Variants in NRSN1 observed in about 807,000 individuals in gnomAD.
NRSN1 encodes neurensin-1.
In NRSN1, 14 loss-of-function variants were observed where a neutral mutation model predicts 17.3. That is an observed-to-expected ratio of 0.81 (90% CI 0.54 to 1.27). NRSN1 has a LOEUF of 1.27. Among genes scored for constraint, NRSN1 ranks in the 50% most tolerant of loss-of-function variants. The pLI is 0.00. For synonymous variants in NRSN1, 79 were observed against 94.2 expected, an observed-to-expected ratio of 0.84 and a Z score of 0.93; for missense variants, 209 against 235.9, an observed-to-expected ratio of 0.89 and a Z score of 0.75.
intron 3 of NRSN1, among the ~76,000 whole-genome samples, chr6:24,142,321 TAGAA>T (rs200892403): frequency 0.017 from 2,526 of 148,126 alleles, 32 homozygotes; most frequent in Non-Finnish European, 0.026. Flanking sequence ...ATAAAAATAA[TAGAA>T]AGAAATATAC....
chr6:24,138,512 GTTATCTTCT>G (rs1561866947), intron 3 of NRSN1, among the ~76,000 whole-genome samples: 1 of 152,094 alleles, frequency 6.6e-6, no homozygotes, highest in African/African-American at 2.4e-5. Context: ...TCACCTCAGG[GTTATCTTCT>G]TGCCTTCTCC....
chr6:24,128,687 G>A (rs1363216887), intron 2 of NRSN1: 1 of 152,158 alleles, frequency 6.6e-6, no homozygotes, highest in Non-Finnish European at 1.5e-5. Flanking sequence ...GGTCTAAATT[G>A]TCTATGTGCC....
At position 24,134,003 on chromosome 6, in the gene NRSN1, A is replaced by AG. The variant is rs1213932945; in HGVS notation, c.-9-316_-9-315insG. Among the ~76,000 whole-genome samples the AG allele has an allele frequency of 8.9e-4, 35 of 39,226 alleles. 1 individual carries two copies. The highest frequency in any genetic ancestry group is 1.3e-3 in the Admixed American group (6 of 4,700). The allele number at this position is 39,226 out of a possible 152,430, so 25.7% of individuals were successfully genotyped here. A position where few individuals can be genotyped will look rare whatever the true frequency, so the allele number is the denominator to read the frequency against. On this transcript the variant is annotated intron_variant, in intron 2 of 3. Transcript: ENST00000378491. ...AGGTGCCCACCACCACACCCAGCTA[A>AG]TTGTGTGTGTGTGTGTGTGTGTGTG...
At chr6:24,135,827 G>A (rs990331834) in intron 3 of NRSN1, among the ~76,000 whole-genome samples, 5 of 152,160 alleles carry the variant, frequency 3.3e-5, no homozygotes, top group African/African-American at 1.2e-4. Context: ...AGGGCATTGG[G>A]ACATTCCAAC....
rs1760284229 is a variant in NRSN1, at chr6:24,145,266, T to C, written c.190-282T>C. On this transcript the variant is annotated intron_variant, in intron 3 of 3. Transcript: ENST00000378491. The surrounding 1 kb of genome is among the most constrained non-coding windows in gnomAD (Gnocchi z 4.4). ...AATATAAAGATTATATATATATCTT[T>C]AGATATACAATATATGTATATCTTT... 6.8e-6 allele frequency among the ~76,000 whole-genome samples: 1 copy of C among 147,402 alleles called. No individual in the cohort carries two copies. The highest frequency in any genetic ancestry group is 6.8e-5 in the Admixed American group (1 of 14,690).
rs1561866100 is a variant in NRSN1 at position 24,134,440 on chromosome 6, C to T, written c.113C>T (p.Thr38Ile). 1 of 1,614,098 alleles carries T rather than the reference C, an allele frequency of 6.2e-7. No homozygotes were observed. Among genetic ancestry groups the T allele is most frequent in the Non-Finnish European group, 8.5e-7 (1 of 1,179,970 alleles). ...SYLHQFYEDC[T>I]ASIWEYEDDF... Reference sequence around the variant, plus strand: ...CTGCACCAGTTTTATGAGGACTGTACAGCCTCAATTTGGGAGTATGAGGAT... The same window carrying T: ...CTGCACCAGTTTTATGAGGACTGTATAGCCTCAATTTGGGAGTATGAGGAT... Residue 38 changes from threonine to isoleucine, a missense_variant, in exon 3 of 4, where the codon ACA becomes ATA. Coordinates refer to ENST00000378491, the MANE Select transcript of NRSN1 (RefSeq NM_080723.5).
At chr6:24,126,927 A>T (rs75904503) in intron 1 of NRSN1, among the ~76,000 whole-genome samples, 1 of 147,026 alleles carries the variant, frequency 6.8e-6, no homozygotes, top group Non-Finnish European at 1.5e-5. Context: ...TGTTTGTTTG[A>T]TTGGTTCCTG....
At chr6:24,126,958 T>G (rs1183450683) in intron 1 of NRSN1, among the ~76,000 whole-genome samples, 4 of 152,246 alleles carry the variant, frequency 2.6e-5, no homozygotes, top group Non-Finnish European at 5.9e-5. Flanking sequence ...AGAAATGTTT[T>G]CAGAACCTTG....
rs1408188728 is a variant in NRSN1 at position 24,146,257 on chromosome 6, G to A, written c.*311G>A. 1 of 593,268 alleles carries A rather than the reference G, an allele frequency of 1.7e-6. No homozygotes were observed. Among genetic ancestry groups the A allele is most frequent in the Non-Finnish European group, 3.3e-6 (1 of 306,836 alleles). The allele number at this position is 593,268 out of a possible 1,614,324, so 36.8% of individuals were successfully genotyped here. A position where few individuals can be genotyped will look rare whatever the true frequency, so the allele number is the denominator to read the frequency against. On this transcript the variant is annotated 3_prime_UTR_variant, in exon 4 of 4. Transcript: ENST00000378491. ...GTTATTTTCCGTGTTGTTTGAAAGT[G>A]CCGAACAGTTTAGACCAGCTCACCA...
chr6:24,135,194 A>G (rs115568244), intron 3 of NRSN1, among the ~76,000 whole-genome samples: 2,906 of 152,316 alleles, frequency 0.019, 86 homozygotes, highest in African/African-American at 0.065. Flanking sequence ...AAGAAACCAC[A>G]TGATAGAATG....
chr6:24,133,249 T>C (rs1179191573), intron 2 of NRSN1, among the ~76,000 whole-genome samples: 1 of 152,182 alleles, frequency 6.6e-6, no homozygotes, highest in African/African-American at 2.4e-5. Context: ...TTGTGTCCAC[T>C]CTCCACATTA....
chr6:24,133,371 A>C (rs571662007), intron 2 of NRSN1, among the ~76,000 whole-genome samples: 1 of 152,406 alleles, frequency 6.6e-6, no homozygotes, highest in East Asian at 1.9e-4. Context: ...TTAATAAAGC[A>C]TGAGGCATAA....
At position 24,145,510 on chromosome 6, in the gene NRSN1, C is replaced by T; in HGVS notation, c.190-38C>T. The T allele has an allele frequency of 2.6e-6, 4 of 1,511,612 alleles. No individual in the cohort carries two copies. Among genetic ancestry groups the T allele is most frequent in the Non-Finnish European group, 3.6e-6 (4 of 1,123,544 alleles). The allele number at this position is 1,511,612 out of a possible 1,614,324, so 93.6% of individuals were successfully genotyped here. On this transcript the variant is annotated intron_variant, in intron 3 of 3. Coordinates refer to ENST00000378491, the MANE Select transcript of NRSN1 (RefSeq NM_080723.5). The surrounding 1 kb of genome is among the most constrained non-coding windows in gnomAD (Gnocchi z 4.4). ...GCTCAGGGGCGAGCCGAAGCACCTT[C>T]CTCACTCTATCTTGCTTCTGTCATT...
chr6:24,136,810 C>T lies in NRSN1; in HGVS notation c.189+2294C>T, dbSNP rs1310684791. The stretch of plus-strand genomic sequence containing the variant: ...CCAAAAATATTTATTTACTGCTGTG[C>T]TGGAGTCCTAGATGTATACCTTAGC... On this transcript the variant is annotated intron_variant, in intron 3 of 3. Transcript: ENST00000378491. Among the ~76,000 whole-genome samples the T allele has an allele frequency of 2.6e-5, 4 of 152,150 alleles. No homozygotes were observed. The East Asian group carries it at 7.7e-4, about 29-fold the overall frequency.
rs1412565140 is a variant in NRSN1 at position 24,134,381 on chromosome 6, G to A, written c.54G>A (p.Glu18=). 1.2e-6 allele frequency: 2 copies of A among 1,614,170 alleles called. No homozygotes were observed. The highest frequency in any genetic ancestry group is 1.7e-5 in the Admixed American group (1 of 60,012). The change falls in exon 3 of 4, where the codon GAG becomes GAA. Residue 18 remains glutamate, a synonymous_variant. Transcript: ENST00000378491. ...CCAGGCAGGCACAGGCTGCAGCTGA[G>A]GGTGGTTACCAGCGCTATGGAGTCC... ...CGSRQAQAAA[E]GGYQRYGVRS... is the part of the protein sequence containing the mutation.
chr6:24,130,765 T>C (rs1288908622), intron 2 of NRSN1, among the ~76,000 whole-genome samples: 1 of 152,132 alleles, frequency 6.6e-6, no homozygotes, highest in African/African-American at 2.4e-5. Context: ...AGTAAGGATA[T>C]GGAAGGAGGT....
intron 3 of NRSN1, chr6:24,141,181 C>G: frequency 7.9e-7 from 1 of 1,264,710 alleles, no homozygotes; most frequent in Non-Finnish European, 1.0e-6. Flanking sequence ...TTTAAACAAC[C>G]TCTGCATTGC....
At chr6:24,137,985 A>C (rs562497594) in intron 3 of NRSN1, among the ~76,000 whole-genome samples, 2 of 152,268 alleles carry the variant, frequency 1.3e-5, no homozygotes, top group East Asian at 3.9e-4. Context: ...GCTGGGGTAA[A>C]TGTTCAAAAG....
intron 3 of NRSN1, among the ~76,000 whole-genome samples, chr6:24,136,100 C>T (rs1368547941): frequency 6.6e-6 from 1 of 152,100 alleles, no homozygotes; most frequent in African/African-American, 2.4e-5. Context: ...TAACCCTGGG[C>T]AAATTAATTG....
Sources: gnomAD v4.1 joint callset for allele counts (sites outside exome capture counted in the v4.1 genomes callset) on GRCh38, gnomAD v4.1.1 for gene constraint, Gnocchi (gnomAD v3.1) non-coding constraint, MANE v1.5 for transcripts, NCBI Gene and HGNC (gene_info 2026-07-23, HGNC 2026-07-21) for gene names.